The following SEMA6D variants were observed in gnomAD, a reference collection of about 807,000 sequenced individuals.
SEMA6D encodes the protein semaphorin 6D, also known as semaphorin-6D.
Under a neutral mutation model 106.6 loss-of-function variants are expected in SEMA6D, and 35 were observed. The ratio of observed to expected loss-of-function variants is 0.33; its 90% confidence interval spans 0.25 to 0.44. SEMA6D has a LOEUF of 0.44. Ranked by LOEUF, SEMA6D falls within the 20% of genes least tolerant of loss-of-function variation. The probability of loss-of-function intolerance (pLI) is 1.00; values close to 1 mark genes in which losing one functional copy is unlikely to be tolerated. For missense variants in SEMA6D, 1,185 were observed against 1,345.9 expected, an observed-to-expected ratio of 0.88 and a Z score of 1.87; for synonymous variants, 499 against 487.7, an observed-to-expected ratio of 1.02 and a Z score of -0.31.
At chr15:47,185,298 G>A (rs1276695378) in intron 1 of SEMA6D, among the ~76,000 whole-genome samples, 2 of 152,194 alleles carry the variant, frequency 1.3e-5, no homozygotes, top group Non-Finnish European at 2.9e-5. Context: ...CCGCTCCTGA[G>A]TGCGAAACTT....
intron 4 of SEMA6D, among the ~76,000 whole-genome samples, chr15:47,616,178 T>C (rs560551211): frequency 1.3e-5 from 2 of 151,444 alleles, no homozygotes; most frequent in East Asian, 1.9e-4. Flanking sequence ...TTTTTTTTTC[T>C]TTTTTTGAGA....
At chr15:47,584,793 G>T (rs1241586604) in intron 3 of SEMA6D, among the ~76,000 whole-genome samples, 2 of 152,146 alleles carry the variant, frequency 1.3e-5, no homozygotes, top group African/African-American at 4.8e-5. Flanking sequence ...AAGGTGAAGA[G>T]AATTTTTTCA....
chr15:47,563,579 T>C (rs2046141161), intron 3 of SEMA6D, among the ~76,000 whole-genome samples: 1 of 152,184 alleles, frequency 6.6e-6, no homozygotes, highest in African/African-American at 2.4e-5. Flanking sequence ...TAGTTCCCAA[T>C]AGCACTTTAT....
At chr15:47,759,715 A>G in intron 1 of SEMA6D, 30 bp from the exon 2 acceptor site, 1 of 954,384 alleles carries the variant, frequency 1.0e-6, no homozygotes, top group South Asian at 1.3e-5. Context: ...TGCAGCATAG[A>G]GATCTTTCCA....
chr15:47,550,377 T>A (rs2045649136), intron 3 of SEMA6D, among the ~76,000 whole-genome samples: 1 of 152,204 alleles, frequency 6.6e-6, no homozygotes, highest in Non-Finnish European at 1.5e-5. Flanking sequence ...AGGTGCTTTA[T>A]CTTGCCCTCA....
At chr15:47,600,199 T>A (rs957988298) in intron 3 of SEMA6D, among the ~76,000 whole-genome samples, 5 of 152,278 alleles carry the variant, frequency 3.3e-5, no homozygotes, top group African/African-American at 1.2e-4. Context: ...AACTCAGCAA[T>A]AGCTTTTGCA....
At chr15:47,277,703 C>G (rs1008800554) in intron 1 of SEMA6D, among the ~76,000 whole-genome samples, 1 of 151,608 alleles carries the variant, frequency 6.6e-6, no homozygotes, top group African/African-American at 2.4e-5. Flanking sequence ...TGCTGGTGCG[C>G]TGCACCTACT....
At chr15:47,311,624 A>G (rs1195235977) in intron 1 of SEMA6D, among the ~76,000 whole-genome samples, 2 of 152,194 alleles carry the variant, frequency 1.3e-5, no homozygotes, top group African/African-American at 4.8e-5. Context: ...TTGCATTTGA[A>G]AATTTTAGAT....
At chr15:47,428,366 G>T (rs560097035) in intron 2 of SEMA6D, among the ~76,000 whole-genome samples, 16 of 152,236 alleles carry the variant, frequency 1.1e-4, no homozygotes, top group Admixed American at 5.2e-4. Flanking sequence ...CTTTGCAGAA[G>T]ACCAGAGTAT....
intron 1 of SEMA6D, among the ~76,000 whole-genome samples, chr15:47,315,549 C>A (rs980588728): frequency 3.3e-5 from 5 of 152,136 alleles, no homozygotes; most frequent in African/African-American, 1.2e-4. Flanking sequence ...CAATTTTGTT[C>A]TTTTCCTTCA....
At chr15:47,496,479 ATACATACTCCTGAG>A (rs1408973992) in intron 3 of SEMA6D, among the ~76,000 whole-genome samples, 3 of 151,932 alleles carry the variant, frequency 2.0e-5, no homozygotes, top group Admixed American at 6.6e-5. Flanking sequence ...CCTACATTTA[ATACATACTCCTGAG>A]TACATACTCC....
chr15:47,220,613 TA>T (rs1208580136), intron 1 of SEMA6D, among the ~76,000 whole-genome samples: 1 of 152,140 alleles, frequency 6.6e-6, no homozygotes, highest in Non-Finnish European at 1.5e-5. Context: ...ATTGTCTTAT[TA>T]AAAAACAGTA....
At chr15:47,520,708 A>G (rs968269981) in intron 3 of SEMA6D, among the ~76,000 whole-genome samples, 4 of 152,210 alleles carry the variant, frequency 2.6e-5, no homozygotes, top group Non-Finnish European at 4.4e-5. Context: ...GGTGTGAGAC[A>G]GAAGAGTGGA....
intron 3 of SEMA6D, among the ~76,000 whole-genome samples, chr15:47,566,039 A>G (rs1183194411): frequency 6.6e-6 from 1 of 152,244 alleles, no homozygotes; most frequent in Non-Finnish European, 1.5e-5. Context: ...ATAGGCCTTC[A>G]CAGTTACTTT....
At chr15:47,458,304 T>TAAC (rs58353741) in intron 2 of SEMA6D, among the ~76,000 whole-genome samples, 72,370 of 151,374 alleles carry the variant, frequency 0.48, 18,284 homozygotes, top group African/African-American at 0.64. Context: ...TTTCAATAAA[T>TAAC]AGGAAATTTA....
intron 2 of SEMA6D, among the ~76,000 whole-genome samples, chr15:47,452,693 G>T (rs1457707146): frequency 6.6e-6 from 1 of 151,794 alleles, no homozygotes; most frequent in Non-Finnish European, 1.5e-5. Flanking sequence ...ATGTGATTGA[G>T]TATGAAAAAC....
At chr15:47,384,814 G>GTTTTTTTTTTT (rs1168068495) in intron 1 of SEMA6D, among the ~76,000 whole-genome samples, 17 of 65,696 alleles carry the variant, frequency 2.6e-4, no homozygotes, top group African/African-American at 3.2e-4. Flanking sequence ...GATTACTAAA[G>GTTTTTTTTTTT]TTTTTTTTTT....
At chr15:47,597,124 GAA>G (rs761567503) in intron 3 of SEMA6D, among the ~76,000 whole-genome samples, 5 of 151,920 alleles carry the variant, frequency 3.3e-5, no homozygotes, top group Non-Finnish European at 5.9e-5. Flanking sequence ...ACAGATATAT[GAA>G]AAAATGCTCA....
At chr15:47,656,589 G>C (rs761072401) in intron 4 of SEMA6D, among the ~76,000 whole-genome samples, 15 of 152,160 alleles carry the variant, frequency 9.9e-5, no homozygotes, top group Non-Finnish European at 1.8e-4. Context: ...ATAACTCTAT[G>C]ATTGAGCTTT....
Sources: allele counts gnomAD v4.1 joint callset (sites outside exome capture counted in the v4.1 genomes callset), GRCh38; gene constraint gnomAD v4.1.1; transcripts MANE v1.5; gene names NCBI Gene and HGNC (gene_info 2026-07-23, HGNC 2026-07-21).